The following CFAP61 variants were observed in gnomAD, a reference collection of about 807,000 sequenced individuals.
CFAP61 encodes cilia and flagella associated protein 61.
A neutral mutation model predicts 135.6 loss-of-function variants in CFAP61; 107 were observed. That is an observed-to-expected ratio of 0.79 (90% confidence interval 0.67 to 0.93). The LOEUF (loss-of-function observed/expected upper bound fraction) is 0.93, where lower values mean the gene tolerates loss of function less well. Ranked by LOEUF, CFAP61 falls within the 40% of genes least tolerant of loss-of-function variation. The pLI is 0.00. For synonymous variants in CFAP61, 575 were observed against 578.5 expected, an observed-to-expected ratio of 0.99 and a Z score of 0.09; for missense variants, 1,507 against 1,556.2, an observed-to-expected ratio of 0.97 and a Z score of 0.53.
intron 18 of CFAP61, among the ~76,000 whole-genome samples, chr20:20,230,635 C>T (rs1022339917): frequency 1.3e-5 from 2 of 152,128 alleles, no homozygotes; most frequent in Admixed American, 6.5e-5. Flanking sequence ...TCACTACAAC[C>T]TCCGCCTCCC....
intron 6 of CFAP61, chr20:20,085,119 C>G (rs535524887): frequency 1.0e-6 from 1 of 985,434 alleles, no homozygotes; most frequent in Non-Finnish European, 1.2e-6. Context: ...CTATAAACTC[C>G]GCATCTTCAT....
intron 22 of CFAP61, among the ~76,000 whole-genome samples, chr20:20,287,119 A>G (rs1385154844): frequency 6.6e-6 from 1 of 151,544 alleles, no homozygotes; most frequent in African/African-American, 2.4e-5. Flanking sequence ...GGGAGACAGA[A>G]AGATTCAGAA....
intron 25 of CFAP61, among the ~76,000 whole-genome samples, chr20:20,304,921 T>A (rs1011072693): frequency 7.9e-5 from 12 of 152,172 alleles, no homozygotes; most frequent in African/African-American, 2.9e-4. Flanking sequence ...AGGTCTCGCC[T>A]ACAGAATCTC....
At chr20:20,073,035 A>G (rs1281791316) in intron 3 of CFAP61, among the ~76,000 whole-genome samples, 1 of 152,182 alleles carries the variant, frequency 6.6e-6, no homozygotes, top group Non-Finnish European at 1.5e-5. Flanking sequence ...TGCAGTATCT[A>G]TCCCAGGGAT....
intron 22 of CFAP61, 54 bp downstream of exon 22, chr20:20,277,512 A>C (rs537027518): frequency 2.8e-5 from 43 of 1,517,846 alleles, no homozygotes; most frequent in East Asian, 9.1e-5. Flanking sequence ...GGACATCTCC[A>C]AGGGATTTGG....
chr20:20,181,176 C>CATAT (rs11471624), intron 13 of CFAP61, among the ~76,000 whole-genome samples: 28 of 146,954 alleles, frequency 1.9e-4, no homozygotes, highest in South Asian at 4.3e-4. Context: ...TATATATACA[C>CATAT]ATATATATGC....
intron 17 of CFAP61, among the ~76,000 whole-genome samples, chr20:20,201,930 A>C (rs977956821): frequency 3.3e-5 from 5 of 152,142 alleles, no homozygotes; most frequent in Non-Finnish European, 7.4e-5. Context: ...GATATCAGGA[A>C]GCATCGTTTT....
At chr20:20,071,765 C>T (rs75359475) in intron 3 of CFAP61, among the ~76,000 whole-genome samples, 1,597 of 152,190 alleles carry the variant, frequency 0.01, 35 homozygotes, top group African/African-American at 0.037. Flanking sequence ...TACACACACC[C>T]GTAAGCATAT....
At chr20:20,310,441 A>T (rs2056751879) in intron 25 of CFAP61, among the ~76,000 whole-genome samples, 1 of 152,232 alleles carries the variant, frequency 6.6e-6, no homozygotes, top group African/African-American at 2.4e-5. Flanking sequence ...ATGAACCAGG[A>T]AAGGGCAGGG....
intron 25 of CFAP61, among the ~76,000 whole-genome samples, chr20:20,299,619 G>A (rs74392213): frequency 0.019 from 2,956 of 152,294 alleles, 92 homozygotes; most frequent in African/African-American, 0.068. Context: ...ATATTAATTT[G>A]CCTTGCCTAC....
At chr20:20,082,448 A>C (rs749694438) in intron 6 of CFAP61, among the ~76,000 whole-genome samples, 17 of 152,200 alleles carry the variant, frequency 1.1e-4, no homozygotes, top group Non-Finnish European at 1.9e-4. Context: ...TACTATCTGA[A>C]ATAAAGCATA....
intron 24 of CFAP61, among the ~76,000 whole-genome samples, chr20:20,296,002 CTTCCTTCCCTCCTTTCCTTCCTTCTTTCT>C (rs1224975200): frequency 1.0e-5 from 1 of 98,884 alleles, no homozygotes; most frequent in Non-Finnish European, 2.3e-5. Flanking sequence ...TCCTTCCTTC[CTTCCTTCCCTCCTTTCCTTCCTTCTTTCT>C]TTTCTTCCTC....
At chr20:20,329,412 G>A (rs760114757) in intron 25 of CFAP61, among the ~76,000 whole-genome samples, 13 of 152,060 alleles carry the variant, frequency 8.5e-5, no homozygotes, top group Non-Finnish European at 1.9e-4. Context: ...CCAGGGCCTG[G>A]GAATATCTGC....
chr20:20,211,542 T>C (rs1435071346), intron 17 of CFAP61, among the ~76,000 whole-genome samples: 1 of 152,016 alleles, frequency 6.6e-6, no homozygotes, highest in East Asian at 1.9e-4. Flanking sequence ...GGTATGAAAA[T>C]AGCATGGGAG....
chr20:20,334,347 G>A (rs1251256797), intron 25 of CFAP61, among the ~76,000 whole-genome samples: 1 of 152,050 alleles, frequency 6.6e-6, no homozygotes, highest in African/African-American at 2.4e-5. Context: ...GGCTGGTCTC[G>A]AACTCCTGAC....
chr20:20,282,191 T>C (rs987700571), intron 22 of CFAP61, among the ~76,000 whole-genome samples: 2 of 152,288 alleles, frequency 1.3e-5, no homozygotes, highest in East Asian at 3.9e-4. Flanking sequence ...TCTGACTCTC[T>C]CTCTTTCTCT....
At chr20:20,080,418 T>A (rs1437146720) in intron 6 of CFAP61, among the ~76,000 whole-genome samples, 1 of 152,188 alleles carries the variant, frequency 6.6e-6, no homozygotes, top group Non-Finnish European at 1.5e-5. Context: ...TGCTTATTTA[T>A]GGAAATTTAA....
chr20:20,355,941 AGAGATGGTCACACTGTAAGGG>A (rs2059117638), intron 26 of CFAP61, among the ~76,000 whole-genome samples: 3 of 107,004 alleles, frequency 2.8e-5, no homozygotes, highest in Non-Finnish European at 3.7e-5. Context: ...CACTGTGAGC[AGAGATGGTCACACTGTAAGGG>A]GAGGTGATCA....
At chr20:20,355,778 G>A (rs2059101286) in intron 26 of CFAP61, among the ~76,000 whole-genome samples, 1 of 141,024 alleles carries the variant, frequency 7.1e-6, no homozygotes, top group Non-Finnish European at 1.5e-5. Flanking sequence ...ACACTGTGAG[G>A]GGAGGTGGTC....
Sources: allele counts gnomAD v4.1 joint callset (sites outside exome capture counted in the v4.1 genomes callset), GRCh38; gene constraint gnomAD v4.1.1; transcripts MANE v1.5; gene names NCBI Gene and HGNC (gene_info 2026-07-23, HGNC 2026-07-21).